Variants in DIAPH3 observed in about 807,000 individuals in gnomAD.
DIAPH3 encodes diaphanous related formin 3, also known as protein diaphanous homolog 3.
In DIAPH3, 117 loss-of-function variants were observed where a neutral mutation model predicts 144.3. That is an observed-to-expected ratio of 0.81 (90% CI 0.70 to 0.95). DIAPH3 has a LOEUF of 0.95. Among genes scored for constraint, DIAPH3 ranks in the 40% least tolerant of loss-of-function variants. The pLI, the probability that DIAPH3 is intolerant of heterozygous loss-of-function variation, is 0.00. For missense variants in DIAPH3, 1,421 were observed against 1,412.7 expected (o/e 1.01, Z -0.09); for synonymous variants, 519 against 488.9 (o/e 1.06, Z -0.81).
intron 2 of DIAPH3, among the ~76,000 whole-genome samples, chr13:60,131,981 A>G (rs1416949829): frequency 1.3e-5 from 2 of 152,226 alleles, no homozygotes; most frequent in African/African-American, 4.8e-5. Context: ...ACTGTAAAAT[A>G]AAGACATCTA....
chr13:59,915,391 T>G (rs1468475524), intron 19 of DIAPH3, among the ~76,000 whole-genome samples: 2 of 152,118 alleles, frequency 1.3e-5, no homozygotes, highest in South Asian at 4.1e-4. Flanking sequence ...GTTAAAATAT[T>G]CAGAATAATT....
chr13:59,748,392 C>T (rs1309254477), intron 27 of DIAPH3, among the ~76,000 whole-genome samples: 1 of 152,172 alleles, frequency 6.6e-6, no homozygotes, highest in African/African-American at 2.4e-5. Context: ...CAAATACTCT[C>T]TGCCAAGAAA....
intron 23 of DIAPH3, 43 bp downstream of exon 23, chr13:59,839,281 T>C (rs369511332): frequency 5.4e-5 from 87 of 1,607,378 alleles, no homozygotes; most frequent in Non-Finnish European, 6.0e-5. Flanking sequence ...ATTGTATCTC[T>C]AGTTGACTAG....
chr13:59,752,827 G>A (rs2037079419), intron 27 of DIAPH3, among the ~76,000 whole-genome samples: 1 of 152,120 alleles, frequency 6.6e-6, no homozygotes, highest in South Asian at 2.1e-4. Flanking sequence ...GGGTAAGTGG[G>A]GAATGAAGAG....
chr13:59,803,241 A>G (rs1469809689), intron 25 of DIAPH3, among the ~76,000 whole-genome samples: 1 of 152,182 alleles, frequency 6.6e-6, no homozygotes, highest in African/African-American at 2.4e-5. Flanking sequence ...TTGCCCTAGA[A>G]TATGAACAGG....
intron 27 of DIAPH3, among the ~76,000 whole-genome samples, chr13:59,772,887 A>G (rs1260840769): frequency 6.6e-6 from 1 of 152,066 alleles, no homozygotes; most frequent in African/African-American, 2.4e-5. Flanking sequence ...TAGGAATTGG[A>G]ACCATATTCT....
chr13:60,026,618 G>C (rs754665564), intron 5 of DIAPH3, among the ~76,000 whole-genome samples: 3 of 151,808 alleles, frequency 2.0e-5, no homozygotes, highest in Admixed American at 6.6e-5. Context: ...AAAAAAAAAT[G>C]TTTGGGGTAT....
chr13:60,130,008 T>G (rs2059099708), intron 2 of DIAPH3, among the ~76,000 whole-genome samples: 2 of 152,138 alleles, frequency 1.3e-5, no homozygotes, highest in Non-Finnish European at 2.9e-5. Context: ...TACTTAAACT[T>G]AAGAAACTCA....
At chr13:59,688,262 C>T (rs1405845129) in intron 27 of DIAPH3, among the ~76,000 whole-genome samples, 2 of 152,040 alleles carry the variant, frequency 1.3e-5, no homozygotes, top group African/African-American at 4.8e-5. Context: ...GCACAATATT[C>T]ACCTGCAATT....
At chr13:59,884,177 G>T (rs750893733) in intron 20 of DIAPH3, among the ~76,000 whole-genome samples, 1 of 152,056 alleles carries the variant, frequency 6.6e-6, no homozygotes, top group Non-Finnish European at 1.5e-5. Context: ...AACTATGCAC[G>T]CAAAAGATCT....
At chr13:59,679,647 T>A (rs1192498417) in intron 27 of DIAPH3, among the ~76,000 whole-genome samples, 1 of 152,234 alleles carries the variant, frequency 6.6e-6, no homozygotes, top group Non-Finnish European at 1.5e-5. Context: ...GTTGTTCCAT[T>A]TCACATACAT....
At chr13:59,953,207 T>C (rs2049192483) in intron 17 of DIAPH3, among the ~76,000 whole-genome samples, 1 of 152,098 alleles carries the variant, frequency 6.6e-6, no homozygotes, top group Non-Finnish European at 1.5e-5. Context: ...TGAATGTTCC[T>C]GGCAGGGAAA....
intron 2 of DIAPH3, among the ~76,000 whole-genome samples, chr13:60,116,398 G>A (rs765402811): frequency 2.0e-5 from 3 of 151,960 alleles, no homozygotes; most frequent in Non-Finnish European, 2.9e-5. Context: ...CTATCCCTAT[G>A]TACATTTGTA....
intron 21 of DIAPH3, among the ~76,000 whole-genome samples, chr13:59,867,937 G>A (rs1000841070): frequency 1.3e-5 from 2 of 151,870 alleles, no homozygotes; most frequent in African/African-American, 4.8e-5. Context: ...TGCTAAACTC[G>A]GATGATCAAA....
intron 17 of DIAPH3, among the ~76,000 whole-genome samples, chr13:59,934,178 A>G (rs534654364): frequency 2.6e-5 from 4 of 152,272 alleles, no homozygotes; most frequent in African/African-American, 9.6e-5. Flanking sequence ...AAATCAGTAA[A>G]TGTTACTAAT....
At chr13:60,070,758 C>T (rs915221798) in intron 4 of DIAPH3, among the ~76,000 whole-genome samples, 6 of 152,164 alleles carry the variant, frequency 3.9e-5, no homozygotes, top group Non-Finnish European at 7.4e-5. Flanking sequence ...GAGTTTGATA[C>T]ACTGCGGCTT....
chr13:59,998,335 T>C (rs1366290801), intron 9 of DIAPH3, among the ~76,000 whole-genome samples: 1 of 152,138 alleles, frequency 6.6e-6, no homozygotes, highest in Non-Finnish European at 1.5e-5. Context: ...ACTGCCTTTA[T>C]TGCAATTTTC....
At chr13:59,759,526 T>C (rs1177097520) in intron 27 of DIAPH3, among the ~76,000 whole-genome samples, 1 of 152,200 alleles carries the variant, frequency 6.6e-6, no homozygotes, top group Non-Finnish European at 1.5e-5. Context: ...TTTCTCATCC[T>C]CAGCAGATCA....
chr13:60,097,788 A>AAGAG (rs368169240), intron 3 of DIAPH3, among the ~76,000 whole-genome samples: 3 of 151,320 alleles, frequency 2.0e-5, no homozygotes, highest in African/African-American at 7.3e-5. Flanking sequence ...GAAAAAAAAA[A>AAGAG]AGAGAGAGAG....
Sources: gnomAD v4.1 joint callset for allele counts (sites outside exome capture counted in the v4.1 genomes callset) on GRCh38, gnomAD v4.1.1 for gene constraint, MANE v1.5 for transcripts, NCBI Gene and HGNC (gene_info 2026-07-23, HGNC 2026-07-21) for gene names.